Variants in ASB3 observed in about 807,000 individuals in gnomAD.
ASB3 encodes the protein ankyrin repeat and SOCS box protein 3.
Under a neutral mutation model 54.5 loss-of-function variants are expected in ASB3, and 41 were observed. The observed-to-expected ratio is 0.75, with a 90% CI of 0.59 to 0.98. The LOEUF (loss-of-function observed/expected upper bound fraction) is 0.98. ASB3 is among the 50% of genes least tolerant of loss of function. The pLI, the probability that ASB3 is intolerant of heterozygous loss-of-function variation, is 0.00. For synonymous variants in ASB3, 266 were observed against 221.2 expected (o/e 1.20, Z -1.80); for missense variants, 733 against 620.0 (o/e 1.18, Z -1.94).
At chr2:53,699,041 G>C (rs1392258172) in intron 8 of ASB3, among the ~76,000 whole-genome samples, 1 of 152,184 alleles carries the variant, frequency 6.6e-6, no homozygotes, top group African/African-American at 2.4e-5. Context: ...TATAAAGAAA[G>C]TACATTTATT....
chr2:53,780,604 C>A (rs762884706), intron 1 of ASB3, among the ~76,000 whole-genome samples: 4 of 152,048 alleles, frequency 2.6e-5, no homozygotes, highest in Non-Finnish European at 5.9e-5. Flanking sequence ...TATAGTGAGA[C>A]CATGTCTCTA....
At chr2:53,780,338 G>C (rs1674574431) in intron 1 of ASB3, among the ~76,000 whole-genome samples, 1 of 152,024 alleles carries the variant, frequency 6.6e-6, no homozygotes, top group Non-Finnish European at 1.5e-5. Flanking sequence ...GCTCAAATGA[G>C]CGAACTAATG....
intron 5 of ASB3, 92 bp downstream of exon 5, chr2:53,728,620 C>G: frequency 7.4e-7 from 1 of 1,358,110 alleles, no homozygotes; most frequent in Non-Finnish European, 9.5e-7. Flanking sequence ...ATTTCACAAC[C>G]TGATTTATAT....
chr2:53,771,643 C>T (rs908233166), intron 1 of ASB3, among the ~76,000 whole-genome samples: 2 of 151,984 alleles, frequency 1.3e-5, no homozygotes, highest in African/African-American at 4.8e-5. Context: ...GTATGTTTTC[C>T]AATATATCCA....
At chr2:53,746,564 G>A (rs1672237812) in intron 3 of ASB3, among the ~76,000 whole-genome samples, 1 of 149,656 alleles carries the variant, frequency 6.7e-6, no homozygotes, top group African/African-American at 2.5e-5. Context: ...TGCAATGTCC[G>A]CCCTCCCGGA....
At chr2:53,743,882 A>C (rs10187718) in intron 3 of ASB3, among the ~76,000 whole-genome samples, 25,956 of 151,782 alleles carry the variant, frequency 0.17, 2,415 homozygotes, top group African/African-American at 0.25. Context: ...ATCGCCACTA[A>C]ATGTACAAAA....
At chr2:53,732,216 C>T (rs1288527524) in intron 3 of ASB3, among the ~76,000 whole-genome samples, 2 of 152,138 alleles carry the variant, frequency 1.3e-5, no homozygotes, top group Admixed American at 6.5e-5. Context: ...CCGCCTCAGC[C>T]TCCCAAAGTG....
At chr2:53,773,529 C>G (rs931674255) in intron 1 of ASB3, among the ~76,000 whole-genome samples, 9 of 152,112 alleles carry the variant, frequency 5.9e-5, no homozygotes, top group African/African-American at 1.7e-4. Context: ...CACCCGGGTT[C>G]AAGCAATGCT....
At chr2:53,786,074 C>A (rs1206596582) in intron 1 of ASB3, among the ~76,000 whole-genome samples, 1 of 152,078 alleles carries the variant, frequency 6.6e-6, no homozygotes, top group Non-Finnish European at 1.5e-5. Context: ...ACAGATCTAG[C>A]AAGACTGTCG....
intron 3 of ASB3, among the ~76,000 whole-genome samples, chr2:53,736,590 T>C (rs1294167867): frequency 6.6e-6 from 1 of 151,818 alleles, no homozygotes; most frequent in Non-Finnish European, 1.5e-5. Context: ...TCCCAACTAC[T>C]TGGGAGGCCG....
At chr2:53,776,651 T>C (rs956606905) in intron 1 of ASB3, among the ~76,000 whole-genome samples, 1 of 151,964 alleles carries the variant, frequency 6.6e-6, no homozygotes, top group Non-Finnish European at 1.5e-5. Context: ...GAGCACCATC[T>C]CTATAAAAAA....
chr2:53,767,051 GGA>G (rs1211477337), intron 1 of ASB3, among the ~76,000 whole-genome samples: 2 of 152,086 alleles, frequency 1.3e-5, no homozygotes, highest in African/African-American at 4.8e-5. Context: ...TTGACCCCTT[GGA>G]GAAACTCATG....
At chr2:53,767,881 GAGA>G (rs760120702) in intron 1 of ASB3, 6 of 1,606,004 alleles carry the variant, frequency 3.7e-6, no homozygotes, top group East Asian at 2.2e-5. Flanking sequence ...GAGGAGCCGC[GAGA>G]AGATGTGGGT....
intron 7 of ASB3, among the ~76,000 whole-genome samples, chr2:53,711,033 G>A (rs1670066649): frequency 6.6e-6 from 1 of 152,140 alleles, no homozygotes; most frequent in South Asian, 2.1e-4. Context: ...AAGAGGCTGA[G>A]GCAGGATAAT....
intron 1 of ASB3, chr2:53,786,330 G>A (rs1275741996): frequency 6.6e-6 from 1 of 152,184 alleles, no homozygotes; most frequent in Non-Finnish European, 1.5e-5. Context: ...ATCTAGAGAT[G>A]GAGGGTAAAA....
Position 53,716,620 on chromosome 2 carries a change from T to C in ASB3, c.728A>G (p.Asn243Ser). ...SSGADPDLYC[N>S]EDSWQLPIHA... is the part of the protein sequence containing the mutation. Reference sequence around the variant, plus strand: ...AATAGGTAACTGCCAACTGTCCTCATTACAGTAAAGATCAGGATCTGCCCC... The same window carrying C: ...AATAGGTAACTGCCAACTGTCCTCACTACAGTAAAGATCAGGATCTGCCCC... The change falls in exon 6 of 10, where the codon AAT becomes AGT. Residue 243 changes from asparagine to serine, a missense_variant. Asn to Ser is a conservative substitution (Grantham distance 46). Coordinates refer to ENST00000263634, the MANE Select transcript of ASB3 (RefSeq NM_016115.5). 1 of 1,614,154 alleles carries C rather than the reference T, an allele frequency of 6.2e-7. No homozygotes were observed. Among genetic ancestry groups the C allele is most frequent in the African/African-American group, 1.3e-5 (1 of 75,036 alleles).
intron 5 of ASB3, among the ~76,000 whole-genome samples, chr2:53,719,834 G>A (rs548168754): frequency 1.3e-5 from 2 of 152,236 alleles, no homozygotes; most frequent in East Asian, 1.9e-4. Context: ...TTACAAGGGG[G>A]GAGGATCGCT....
intron 9 of ASB3, among the ~76,000 whole-genome samples, chr2:53,672,372 G>A (rs1667865930): frequency 6.6e-6 from 1 of 152,080 alleles, no homozygotes; most frequent in African/African-American, 2.4e-5. Flanking sequence ...AAACTTAAAG[G>A]AGAAATGATG....
At chr2:53,679,186 C>T (rs761695133) in intron 9 of ASB3, among the ~76,000 whole-genome samples, 17 of 152,284 alleles carry the variant, frequency 1.1e-4, no homozygotes, top group Non-Finnish European at 2.2e-4. Flanking sequence ...CTTCTGCACC[C>T]CAATACAAAG....
Sources: allele counts gnomAD v4.1 joint callset (sites outside exome capture counted in the v4.1 genomes callset), GRCh38; gene constraint gnomAD v4.1.1; transcripts MANE v1.5; gene names NCBI Gene and HGNC (gene_info 2026-07-23, HGNC 2026-07-21).